TTC28: variants seen among roughly 807,000 people sequenced by gnomAD.
TTC28 encodes the protein tetratricopeptide repeat protein 28.
Under a neutral mutation model 198.0 loss-of-function variants are expected in TTC28, and 61 were observed. That is an observed-to-expected ratio of 0.31 (90% confidence interval 0.25 to 0.38). The LOEUF is 0.38. Ranked by LOEUF, TTC28 falls within the 10% of genes least tolerant of loss-of-function variation. TTC28 has a pLI of 1.00. For missense variants in TTC28, 2,678 were observed against 3,164.0 expected (o/e 0.85, Z 3.69); for synonymous variants, 1,171 against 1,297.8 (o/e 0.90, Z 2.10).
At chr22:28,426,124 A>T (rs1169584012) in intron 2 of TTC28, among the ~76,000 whole-genome samples, 1 of 151,766 alleles carries the variant, frequency 6.6e-6, no homozygotes, top group African/African-American at 2.4e-5. Context: ...AGGCAGGAGA[A>T]TCACTTGAAT....
intron 2 of TTC28, among the ~76,000 whole-genome samples, chr22:28,608,932 G>C (rs1411156999): frequency 1.3e-5 from 2 of 152,126 alleles, no homozygotes; most frequent in African/African-American, 2.4e-5. Flanking sequence ...TCTGGGAGAG[G>C]GGGAGAGCTG....
chr22:28,029,568 T>C (rs916296464), intron 13 of TTC28, among the ~76,000 whole-genome samples: 1 of 152,200 alleles, frequency 6.6e-6, no homozygotes, highest in African/African-American at 2.4e-5. Context: ...GTGGGACAGG[T>C]GTCCCTCAAC....
Position 27,979,796 on chromosome 22 carries a change from AC to A in TTC28, c.*2424del, listed in dbSNP as rs1428813890. On this transcript the variant is annotated 3_prime_UTR_variant, in exon 23 of 23. Coordinates refer to ENST00000397906, the MANE Select transcript of TTC28 (RefSeq NM_001145418.2). ...CATACAAGAACACCAAGACTGACATACACGTAAAGTGGCGGTGACTTTACAG... is the reference window on the plus strand; with the variant it reads ...CATACAAGAACACCAAGACTGACATAACGTAAAGTGGCGGTGACTTTACAG... 1 of 152,244 alleles carries A rather than the reference AC, an allele frequency of 6.6e-6. No homozygotes were observed. Among genetic ancestry groups the A allele is most frequent in the Non-Finnish European group, 1.5e-5 (1 of 68,030 alleles). 9.4% of individuals were successfully genotyped at this position (152,244 alleles called of 1,614,324 possible). A position where few individuals can be genotyped will look rare whatever the true frequency, so the allele number is the denominator to read the frequency against.
intron 2 of TTC28, among the ~76,000 whole-genome samples, chr22:28,592,674 A>G (rs2050454562): frequency 6.6e-6 from 1 of 152,156 alleles, no homozygotes; most frequent in African/African-American, 2.4e-5. Flanking sequence ...TTCTGTATTC[A>G]TGACAGTATT....
At chr22:28,128,360 G>A (rs1037043237) in intron 6 of TTC28, among the ~76,000 whole-genome samples, 1 of 152,008 alleles carries the variant, frequency 6.6e-6, no homozygotes, top group Non-Finnish European at 1.5e-5. Flanking sequence ...AAAGAACATG[G>A]GCTATTTTGA....
At chr22:28,178,300 A>AC (rs1434865923) in intron 5 of TTC28, among the ~76,000 whole-genome samples, 2 of 54,876 alleles carry the variant, frequency 3.6e-5, no homozygotes, top group Non-Finnish European at 7.7e-5. Flanking sequence ...ACTAATAAAT[A>AC]CAAAAAAAAA....
rs150478861 is a variant in TTC28, at chr22:28,650,165, A to C, written c.103-20335T>G. On this transcript the variant is annotated intron_variant, in intron 1 of 22. Coordinates refer to ENST00000397906, the MANE Select transcript of TTC28 (RefSeq NM_001145418.2). ...ACTAGTTCAGAGGAGAATTCCAAGT[A>C]CCACACATGAAAAGGCAATCAGGAA... Among the ~76,000 whole-genome samples the C allele has an allele frequency of 1.1e-3, 165 of 152,298 alleles. No individual in the cohort carries two copies. In the East Asian group the frequency reaches 0.029, roughly 27 times the overall value.
At chr22:28,281,579 C>T (rs2044583405) in intron 5 of TTC28, among the ~76,000 whole-genome samples, 2 of 152,270 alleles carry the variant, frequency 1.3e-5, no homozygotes, top group South Asian at 4.1e-4. Context: ...GGGCTGGTTT[C>T]ACTGAATATC....
At chr22:28,245,227 T>C (rs1929993834) in intron 5 of TTC28, among the ~76,000 whole-genome samples, 1 of 152,166 alleles carries the variant, frequency 6.6e-6, no homozygotes, top group Admixed American at 6.6e-5. Context: ...TGCATGAAAA[T>C]TGAATAACTA....
chr22:28,221,030 G>A (rs971955306), intron 5 of TTC28, among the ~76,000 whole-genome samples: 8 of 152,136 alleles, frequency 5.3e-5, no homozygotes, highest in Non-Finnish European at 2.9e-5. Flanking sequence ...TGATTTGGTA[G>A]GTTGTATACA....
chr22:27,982,392 T>C lies in TTC28; in HGVS notation c.7275A>G (p.Pro2425=). The C allele has an allele frequency of 6.4e-7, 1 of 1,551,268 alleles. No homozygotes were observed. Among genetic ancestry groups the C allele is most frequent in the South Asian group, 1.2e-5 (1 of 84,040 alleles). Residue 2425 remains proline (P), a synonymous_variant, in exon 23 of 23, where the codon CCA becomes CCG. Coordinates refer to ENST00000397906, the MANE Select transcript of TTC28 (RefSeq NM_001145418.2). This position sits in a 1 kb window ranked among gnomAD's most constrained non-coding sequence, Gnocchi z 5.2. ...ELSLQQHDGA[P]PKAPPNGHWR... ...AGTGTCCGTTGGGAGGGGCTTTCGG[T>C]GGAGCTCCGTCATGCTGCTGCAGGG...
chr22:28,172,638 G>A (rs1179430332), intron 5 of TTC28, among the ~76,000 whole-genome samples: 2 of 152,160 alleles, frequency 1.3e-5, no homozygotes, highest in Non-Finnish European at 1.5e-5. Context: ...GGGAGAAAGA[G>A]GGAAAGACTA....
At chr22:28,192,129 A>T (rs1924863911) in intron 5 of TTC28, among the ~76,000 whole-genome samples, 1 of 152,168 alleles carries the variant, frequency 6.6e-6, no homozygotes, top group Admixed American at 6.5e-5. Context: ...TTTGCTGTTC[A>T]CCAATAACCG....
chr22:28,098,719 C>T (rs1942044718), intron 10 of TTC28, among the ~76,000 whole-genome samples, 196 bp downstream of exon 10: 1 of 152,202 alleles, frequency 6.6e-6, no homozygotes, highest in Admixed American at 6.5e-5. Context: ...GCACTCAGCA[C>T]ATGGTAGGAG....
At chr22:28,399,390 C>T (rs7292451) in intron 2 of TTC28, among the ~76,000 whole-genome samples, 57 of 147,318 alleles carry the variant, frequency 3.9e-4, no homozygotes, top group African/African-American at 1.3e-3. Flanking sequence ...AGTCATAGCT[C>T]GTTGCAGTCT....
At chr22:28,121,755 T>A (rs1251820325) in intron 6 of TTC28, among the ~76,000 whole-genome samples, 1 of 152,236 alleles carries the variant, frequency 6.6e-6, no homozygotes, top group Non-Finnish European at 1.5e-5. Flanking sequence ...AAGCCAAGTA[T>A]TTACCTTCCC....
chr22:28,055,868 C>T (rs1416829259), intron 12 of TTC28, among the ~76,000 whole-genome samples: 1 of 152,184 alleles, frequency 6.6e-6, no homozygotes, highest in African/African-American at 2.4e-5. Flanking sequence ...TCCTTTCCCC[C>T]ACTGGCCACC....
At chr22:28,459,062 G>A (rs2047908963) in intron 2 of TTC28, among the ~76,000 whole-genome samples, 1 of 151,960 alleles carries the variant, frequency 6.6e-6, no homozygotes, top group African/African-American at 2.4e-5. Context: ...GAGGGGTAAT[G>A]GTAGTATTAA....
intron 2 of TTC28, among the ~76,000 whole-genome samples, chr22:28,483,697 A>G (rs1048185564): frequency 6.6e-6 from 1 of 152,212 alleles, no homozygotes; most frequent in African/African-American, 2.4e-5. Context: ...GTAATCATCA[A>G]ATAAAATCTT....
Sources: allele counts gnomAD v4.1 joint callset (sites outside exome capture counted in the v4.1 genomes callset), GRCh38; gene constraint gnomAD v4.1.1; non-coding constraint Gnocchi (gnomAD v3.1); transcripts MANE v1.5; gene names NCBI Gene and HGNC (gene_info 2026-07-23, HGNC 2026-07-21).